SOX5: variants seen among roughly 807,000 people sequenced by gnomAD.
The protein encoded by SOX5 is SRY-box transcription factor 5.
Under a neutral mutation model 92.0 loss-of-function variants are expected in SOX5, and 9 were observed. The ratio of observed to expected loss-of-function variants is 0.10; its 90% confidence interval spans 0.06 to 0.17. The LOEUF (loss-of-function observed/expected upper bound fraction) is 0.17. Ranked by LOEUF, SOX5 falls within the 10% of genes least tolerant of loss-of-function variation. The pLI is 1.00. For synonymous variants in SOX5, 344 were observed against 336.3 expected (o/e 1.02, Z -0.25); for missense variants, 642 against 944.5 (o/e 0.68, Z 4.20).
Position 24,064,504 on chromosome 12 carries a change from AAATAT to A in SOX5, c.-2+148834_-2+148838del, listed in dbSNP as rs1210989751. On this transcript the variant is annotated intron_variant, in intron 4 of 4. Transcript: ENST00000446891. Reference sequence around the variant, plus strand: ...TTAACAAACTGTTTTCAAATATATGAAATATAATATGCAGAACAATCAGAAATGAT... The same window carrying A: ...TTAACAAACTGTTTTCAAATATATGAAATATGCAGAACAATCAGAAATGAT... Among the ~76,000 whole-genome samples, 9 of 152,358 alleles carry A rather than the reference AAATAT, an allele frequency of 5.9e-5. No individual in the cohort carries two copies. The South Asian group carries it at 1.0e-3, about 18-fold the overall frequency.
intron 2 of SOX5, among the ~76,000 whole-genome samples, chr12:23,868,401 G>A (rs566497496): frequency 1.3e-5 from 2 of 152,080 alleles, no homozygotes; most frequent in Non-Finnish European, 2.9e-5. Flanking sequence ...TTTGAAGCAA[G>A]AGCAAATTCA....
intron 8 of SOX5, among the ~76,000 whole-genome samples, chr12:23,629,027 G>T (rs1480913988): frequency 6.6e-6 from 1 of 151,848 alleles, no homozygotes; most frequent in Non-Finnish European, 1.5e-5. Flanking sequence ...ATGTCAACAA[G>T]ACTTGTGATG....
intron 6 of SOX5, among the ~76,000 whole-genome samples, chr12:23,704,759 T>A (rs927738661): frequency 6.9e-6 from 1 of 144,214 alleles, no homozygotes; most frequent in Non-Finnish European, 1.5e-5. Flanking sequence ...GACAGATACC[T>A]ACTGTATACA....
At chr12:24,509,230 A>G (rs1000131842) in intron 1 of SOX5, among the ~76,000 whole-genome samples, 1 of 152,218 alleles carries the variant, frequency 6.6e-6, no homozygotes, top group Admixed American at 6.5e-5. Context: ...AAATTCTACA[A>G]AAGCAAATCC....
chr12:23,726,060 T>G (rs2140705459), intron 6 of SOX5, among the ~76,000 whole-genome samples: 1 of 151,302 alleles, frequency 6.6e-6, no homozygotes, highest in South Asian at 2.1e-4. Flanking sequence ...CTTTCCCAAT[T>G]TATTCACCTG....
chr12:23,780,836 G>A (rs772126935), intron 3 of SOX5, among the ~76,000 whole-genome samples: 6 of 152,046 alleles, frequency 3.9e-5, no homozygotes, highest in African/African-American at 1.4e-4. Flanking sequence ...AAAAATCTGA[G>A]TCTGGCATTA....
At chr12:23,628,546 C>A (rs570391815) in intron 8 of SOX5, among the ~76,000 whole-genome samples, 1 of 152,204 alleles carries the variant, frequency 6.6e-6, no homozygotes, top group African/African-American at 2.4e-5. Context: ...TGCCCCAAAG[C>A]TCACTGTAGC....
At chr12:24,036,868 C>G (rs1043115629) in intron 4 of SOX5, among the ~76,000 whole-genome samples, 2 of 152,128 alleles carry the variant, frequency 1.3e-5, no homozygotes, top group African/African-American at 4.8e-5. Context: ...GATTTCCTGA[C>G]AATAAAGAAT....
At chr12:24,454,724 G>A (rs1017935820) in intron 1 of SOX5, among the ~76,000 whole-genome samples, 5 of 151,932 alleles carry the variant, frequency 3.3e-5, no homozygotes, top group Admixed American at 1.3e-4. Context: ...TGCTTGGAAC[G>A]CACCCTTCCA....
At chr12:24,240,761 C>A (rs1965408840) in intron 3 of SOX5, among the ~76,000 whole-genome samples, 1 of 152,170 alleles carries the variant, frequency 6.6e-6, no homozygotes, top group African/African-American at 2.4e-5. Flanking sequence ...GTTACATGAT[C>A]CTATCAAGTG....
chr12:23,818,046 TA>T (rs1472559487), intron 3 of SOX5, among the ~76,000 whole-genome samples: 2 of 152,192 alleles, frequency 1.3e-5, no homozygotes, highest in Non-Finnish European at 2.9e-5. Flanking sequence ...TACAAGTTGT[TA>T]AAACACGAAT....
chr12:24,447,427 A>C (rs1169445243), intron 1 of SOX5, among the ~76,000 whole-genome samples: 1 of 152,224 alleles, frequency 6.6e-6, no homozygotes, highest in African/African-American at 2.4e-5. Flanking sequence ...AAAACAAGGA[A>C]AATCTGAGAA....
Position 24,127,683 on chromosome 12 carries a change from C to A in SOX5, c.-2+85660G>T, listed in dbSNP as rs116055211. 6.4e-3 allele frequency among the ~76,000 whole-genome samples: 971 copies of A among 152,174 alleles called. 9 individuals carry two copies. Among genetic ancestry groups the A allele is most frequent in the African/African-American group, 0.022 (918 of 41,518 alleles). On this transcript the variant is annotated intron_variant, in intron 4 of 4. Transcript: ENST00000446891. ...TACATTTTTAAACCTTCTTAGTGTG[C>A]CTCCCCAGTGAGATAAAAAATCACC...
chr12:24,542,753 G>A lies in SOX5; in HGVS notation c.-251+19576C>T, dbSNP rs879656433. On this transcript the variant is annotated intron_variant, in intron 1 of 4. Transcript: ENST00000446891. ...ATTGAATGCTTTGTAAAGACGAAAG[G>A]CAAATTGTTTATAAGAACCACTATA... Among the ~76,000 whole-genome samples the A allele has an allele frequency of 3.8e-4, 58 of 152,232 alleles. 1 individual carries two copies. The highest frequency in any genetic ancestry group is 2.5e-4 in the Non-Finnish European group (17 of 68,038).
upstream of SOX5, among the ~76,000 whole-genome samples, chr12:23,955,485 G>C (rs1405802864): frequency 6.6e-6 from 1 of 151,948 alleles, no homozygotes; most frequent in African/African-American, 2.4e-5. Context: ...AAAACCCAGG[G>C]GCCAATTTTC....
intron 3 of SOX5, among the ~76,000 whole-genome samples, chr12:23,842,168 T>C (rs1339391946): frequency 6.6e-6 from 1 of 152,170 alleles, no homozygotes; most frequent in Non-Finnish European, 1.5e-5. Context: ...CACTGTTCTC[T>C]AGTTGAGAAA....
intron 4 of SOX5, among the ~76,000 whole-genome samples, chr12:24,083,144 T>C (rs1463529520): frequency 1.3e-5 from 2 of 152,028 alleles, no homozygotes; most frequent in East Asian, 1.9e-4. Context: ...ATCAAACGGC[T>C]GATAATTTTT....
chr12:24,351,267 G>T (rs184181142), intron 2 of SOX5, among the ~76,000 whole-genome samples: 2 of 152,032 alleles, frequency 1.3e-5, no homozygotes, highest in Non-Finnish European at 2.9e-5. Context: ...CAGCAGTCAC[G>T]ATTCTGTACT....
chr12:23,827,860 A>G (rs779888631), intron 3 of SOX5, among the ~76,000 whole-genome samples: 1 of 152,198 alleles, frequency 6.6e-6, no homozygotes, highest in Non-Finnish European at 1.5e-5. Context: ...AATTTTAAGT[A>G]CCATGTCCTG....
Sources: allele counts gnomAD v4.1 joint callset (sites outside exome capture counted in the v4.1 genomes callset), GRCh38; gene constraint gnomAD v4.1.1; transcripts MANE v1.5; gene names NCBI Gene and HGNC (gene_info 2026-07-23, HGNC 2026-07-21).